Variants in FOCAD observed in about 807,000 individuals in gnomAD.
FOCAD encodes KIAA1797.
FOCAD carries 198 observed loss-of-function variants against 225.6 expected under a neutral mutation model. The ratio of observed to expected loss-of-function variants is 0.88; its 90% CI spans 0.78 to 0.99. The LOEUF (loss-of-function observed/expected upper bound fraction) is 0.99. Among genes scored for constraint, FOCAD ranks in the 50% least tolerant of loss-of-function variants. The pLI, the probability that FOCAD is intolerant of heterozygous loss-of-function variation, is 0.00. For missense variants in FOCAD, 2,713 were observed against 2,123.6 expected (o/e 1.28, Z -5.46); for synonymous variants, 897 against 755.0 (o/e 1.19, Z -3.08).
At chr9:20,963,030 GA>G (rs749123060) in intron 35 of FOCAD, among the ~76,000 whole-genome samples, 11 of 152,102 alleles carry the variant, frequency 7.2e-5, no homozygotes, top group Non-Finnish European at 1.2e-4. Flanking sequence ...ACCTCCTCCA[GA>G]ATGCATGAAA....
intron 27 of FOCAD, among the ~76,000 whole-genome samples, chr9:20,930,468 G>A (rs1333579074): frequency 6.6e-6 from 1 of 152,168 alleles, no homozygotes; most frequent in African/African-American, 2.4e-5. Context: ...GCATTCTGTT[G>A]TGATATTAGA....
intron 15 of FOCAD, among the ~76,000 whole-genome samples, chr9:20,827,047 T>C (rs1379537066): frequency 6.6e-6 from 1 of 152,130 alleles, no homozygotes; most frequent in Non-Finnish European, 1.5e-5. Context: ...TATTGAGATA[T>C]AATTCACAAA....
intron 21 of FOCAD, among the ~76,000 whole-genome samples, chr9:20,902,548 A>G (rs187449894): frequency 5.3e-4 from 81 of 152,048 alleles, no homozygotes; most frequent in Middle Eastern, 3.4e-3. Context: ...TGAACCATCA[A>G]AGGTTTTGCA....
At chr9:20,776,928 A>G (rs1818814958) in intron 8 of FOCAD, among the ~76,000 whole-genome samples, 1 of 152,180 alleles carries the variant, frequency 6.6e-6, no homozygotes, top group African/African-American at 2.4e-5. Flanking sequence ...TATATACTGT[A>G]AGTGTGTTGG....
chr9:20,660,500 TTAGAAAGAAGATTTCTA>T (rs143839968), intron 2 of FOCAD, among the ~76,000 whole-genome samples: 13,942 of 152,176 alleles, frequency 0.092, 793 homozygotes, highest in African/African-American at 0.15. Context: ...TTCAGATCCC[TTAGAAAGAAGATTTCTA>T]TAGGGTGAGA....
At chr9:20,752,793 A>G (rs900994495) in intron 5 of FOCAD, among the ~76,000 whole-genome samples, 1 of 152,172 alleles carries the variant, frequency 6.6e-6, no homozygotes, top group Admixed American at 6.5e-5. Flanking sequence ...ACCCATGAGC[A>G]TGGAAAGTTC....
chr9:20,758,244 C>A, intron 6 of FOCAD, 53 bp downstream of exon 6: 1 of 1,285,606 alleles, frequency 7.8e-7, no homozygotes, highest in Admixed American at 2.4e-5. Flanking sequence ...ATGGTATATG[C>A]TAATTTTAGA....
chr9:20,729,329 G>C (rs182672842), intron 4 of FOCAD, among the ~76,000 whole-genome samples: 3 of 152,072 alleles, frequency 2.0e-5, no homozygotes, highest in Non-Finnish European at 2.9e-5. Flanking sequence ...TGTAACTTCA[G>C]TCTCTGCCTC....
At chr9:20,860,308 A>G (rs1828647205) in intron 15 of FOCAD, among the ~76,000 whole-genome samples, 1 of 152,092 alleles carries the variant, frequency 6.6e-6, no homozygotes, top group Non-Finnish European at 1.5e-5. Context: ...GCCCATTTTC[A>G]TACTGCTGAT....
chr9:20,927,096 G>A (rs950315624), intron 26 of FOCAD, among the ~76,000 whole-genome samples: 4 of 151,764 alleles, frequency 2.6e-5, no homozygotes, highest in African/African-American at 9.7e-5. Flanking sequence ...GATAAACTCC[G>A]GGCATCAGTA....
chr9:20,949,540 G>C, intron 32 of FOCAD, 64 bp from the exon 33 acceptor site: 1 of 1,015,200 alleles, frequency 9.9e-7, no homozygotes, highest in Non-Finnish European at 1.4e-6. Context: ...TCATGCACCG[G>C]GAATATAACT....
chr9:20,731,081 C>CA (rs1331138349), intron 4 of FOCAD, among the ~76,000 whole-genome samples: 2 of 151,750 alleles, frequency 1.3e-5, no homozygotes, highest in Non-Finnish European at 2.9e-5. Context: ...ACTAAAAATA[C>CA]AAAAAAAATT....
chr9:20,776,184 T>G (rs775508389), intron 8 of FOCAD, among the ~76,000 whole-genome samples: 4 of 152,222 alleles, frequency 2.6e-5, no homozygotes, highest in Non-Finnish European at 5.9e-5. Context: ...GGATCTGGAA[T>G]TAATGGGAAA....
rs200065432 is a variant in FOCAD, at chr9:20,938,572, C to G, written c.3407+5469C>G. Among the ~76,000 whole-genome samples the G allele has an allele frequency of 5.7e-5, 6 of 105,626 alleles. No homozygotes were observed. The East Asian group carries it at 9.4e-4, about 17-fold the overall frequency. 69.3% of individuals were successfully genotyped at this position (105,626 alleles called of 152,430 possible). ...GGAAGCGGAACATCACACACGGGGG[C>G]CTGTTGTGGGGTGGGGGGAGTGGGG... On this transcript the variant is annotated intron_variant, in intron 28 of 43. Transcript: ENST00000338382.
intron 11 of FOCAD, among the ~76,000 whole-genome samples, chr9:20,819,557 T>C (rs1824094480): frequency 6.6e-6 from 1 of 152,086 alleles, no homozygotes; most frequent in African/African-American, 2.4e-5. Context: ...TCAGAAGTGA[T>C]GTTATAGTTA....
intron 21 of FOCAD, among the ~76,000 whole-genome samples, chr9:20,889,119 G>A (rs954735496): frequency 1.3e-5 from 2 of 152,166 alleles, no homozygotes; most frequent in African/African-American, 4.8e-5. Flanking sequence ...GTACCCATTT[G>A]TAGTCACTCT....
chr9:20,863,390 G>C lies in FOCAD; in HGVS notation c.2055+678G>C, dbSNP rs971249256. The C allele has an allele frequency of 2.6e-5, 4 of 151,962 alleles. No homozygotes were observed. In the East Asian group the frequency reaches 7.7e-4, roughly 29 times the overall value. 9.4% of individuals were successfully genotyped at this position (151,962 alleles called of 1,614,324 possible). On this transcript the variant is annotated intron_variant, in intron 16 of 43. Coordinates refer to ENST00000338382, the MANE Select transcript of FOCAD (RefSeq NM_001375567.1). ...TGATAAACTGCCACTCCAGCCATCA[G>C]ATTCCAATAATAGTCCTTTATATGT...
At chr9:20,722,155 G>A (rs931513781) in intron 4 of FOCAD, among the ~76,000 whole-genome samples, 9 of 150,302 alleles carry the variant, frequency 6.0e-5, no homozygotes, top group East Asian at 2.0e-4. Context: ...TAGTCCTCCC[G>A]CCTCAGCCTC....
rs190085764 is a variant in FOCAD, at chr9:20,829,736, A to G, written c.1920+6621A>G. Among the ~76,000 whole-genome samples the G allele has an allele frequency of 1.4e-3, 218 of 152,236 alleles. 1 individual carries two copies. Among genetic ancestry groups the G allele is most frequent in the Middle Eastern group, 6.8e-3 (2 of 294 alleles). ...AAACCATAGGAGAGATCAGATGAAC[A>G]TATATCATGCTCTTCTTTGCTACTT... is the stretch of plus-strand genomic sequence containing the variant. On this transcript the variant is annotated intron_variant, in intron 15 of 43. Coordinates refer to ENST00000338382, the MANE Select transcript of FOCAD (RefSeq NM_001375567.1).
Sources: allele counts gnomAD v4.1 joint callset (sites outside exome capture counted in the v4.1 genomes callset), GRCh38; gene constraint gnomAD v4.1.1; transcripts MANE v1.5; gene names NCBI Gene and HGNC (gene_info 2026-07-23, HGNC 2026-07-21).